The following INPP4B variants were observed in gnomAD, a reference collection of about 807,000 sequenced individuals.
INPP4B encodes inositol polyphosphate 4-phosphatase type II.
A neutral mutation model predicts 122.5 loss-of-function variants in INPP4B; 55 were observed. That is an observed-to-expected ratio of 0.45 (90% confidence interval 0.36 to 0.56). INPP4B has a LOEUF of 0.56. Ranked by LOEUF, INPP4B falls within the 20% of genes least tolerant of loss-of-function variation. The pLI is 0.00. For synonymous variants in INPP4B, 403 were observed against 388.7 expected (o/e 1.04, Z -0.43); for missense variants, 1,000 against 1,097.7 (o/e 0.91, Z 1.26).
At chr4:142,834,135 G>A (rs754414490) in intron 1 of INPP4B, among the ~76,000 whole-genome samples, 1 of 151,968 alleles carries the variant, frequency 6.6e-6, no homozygotes, top group Non-Finnish European at 1.5e-5. Context: ...GTAAAAACTC[G>A]ATATTTTTAT....
intron 2 of INPP4B, among the ~76,000 whole-genome samples, chr4:142,687,619 G>C (rs958806430): frequency 6.6e-6 from 1 of 151,246 alleles, no homozygotes; most frequent in Non-Finnish European, 1.5e-5. Flanking sequence ...GGCTAGCCCA[G>C]GTAATGTGAG....
chr4:142,525,316 A>G (rs1211238055), intron 2 of INPP4B, among the ~76,000 whole-genome samples: 1 of 149,040 alleles, frequency 6.7e-6, no homozygotes, highest in Non-Finnish European at 1.5e-5. Context: ...ATACTGCCCA[A>G]GGTAATTTAC....
intron 7 of INPP4B, among the ~76,000 whole-genome samples, chr4:142,360,852 C>T (rs960317032): frequency 7.2e-5 from 11 of 151,878 alleles, no homozygotes; most frequent in Non-Finnish European, 1.3e-4. Flanking sequence ...CAGAAACCTA[C>T]CAAAGTGACT....
chr4:142,059,485 GT>G (rs1268854513), intron 25 of INPP4B, among the ~76,000 whole-genome samples: 1 of 152,018 alleles, frequency 6.6e-6, no homozygotes, highest in East Asian at 1.9e-4. Flanking sequence ...AGATTCTGAG[GT>G]TTTTCATGAG....
intron 16 of INPP4B, among the ~76,000 whole-genome samples, chr4:142,161,980 T>C (rs1423623419): frequency 6.6e-6 from 1 of 151,866 alleles, no homozygotes; most frequent in Non-Finnish European, 1.5e-5. Flanking sequence ...TAAAACTAGA[T>C]GTTTCTGTCC....
At chr4:142,637,556 T>A (rs1749445993) in intron 2 of INPP4B, among the ~76,000 whole-genome samples, 3 of 152,220 alleles carry the variant, frequency 2.0e-5, no homozygotes, top group Non-Finnish European at 4.4e-5. Context: ...GGCATAGTAT[T>A]CCATTGTCTG....
chr4:142,358,520 C>T (rs148063543), intron 7 of INPP4B, among the ~76,000 whole-genome samples: 16 of 151,792 alleles, frequency 1.1e-4, no homozygotes, highest in African/African-American at 3.6e-4. Context: ...TACTCTAGAA[C>T]AGAGATTATA....
intron 18 of INPP4B, among the ~76,000 whole-genome samples, chr4:142,142,509 C>A (rs1055039311): frequency 6.6e-6 from 1 of 151,924 alleles, no homozygotes; most frequent in Non-Finnish European, 1.5e-5. Flanking sequence ...ATTGGCTGAA[C>A]CTGGAGCTGG....
chr4:142,297,043 A>T lies in INPP4B; in HGVS notation c.503+8415T>A, dbSNP rs965977599. Among the ~76,000 whole-genome samples the T allele has an allele frequency of 4.6e-5, 7 of 152,230 alleles. No individual in the cohort carries two copies. In the East Asian group the frequency reaches 1.2e-3, roughly 25 times the overall value. ...TGGACAGTTTTTGATATATTCAGCA[A>T]TAAAATGAATCAGCAACCTCTAAAA... On this transcript the variant is annotated intron_variant, in intron 9 of 25. Coordinates refer to ENST00000262992, the MANE Select transcript of INPP4B (RefSeq NM_001101669.3).
In INPP4B at chr4:142,807,558, C is replaced by T. The variant is rs145071496; in HGVS notation, c.-254+38651G>A. 2.5e-3 allele frequency among the ~76,000 whole-genome samples: 383 copies of T among 152,216 alleles called. 5 individuals carry two copies. Among genetic ancestry groups the T allele is most frequent in the East Asian group, 0.019 (97 of 5,180 alleles). On this transcript the variant is annotated intron_variant, in intron 1 of 25. Coordinates refer to ENST00000262992, the MANE Select transcript of INPP4B (RefSeq NM_001101669.3). Reference sequence around the variant, plus strand: ...CCAGAATATCTATCAGCAGGGAGAACATATGGCCAGATGCATCTGTTCACC... The same window carrying T: ...CCAGAATATCTATCAGCAGGGAGAATATATGGCCAGATGCATCTGTTCACC...
chr4:142,691,332 T>TG (rs879580153), intron 2 of INPP4B, among the ~76,000 whole-genome samples: 2,067 of 150,518 alleles, frequency 0.014, 106 homozygotes, highest in Admixed American at 0.1. Context: ...GGCAAAGTTT[T>TG]TTTTTTTTTT....
At chr4:142,109,806 T>C (rs899907436) in intron 22 of INPP4B, among the ~76,000 whole-genome samples, 26 of 152,136 alleles carry the variant, frequency 1.7e-4, no homozygotes, top group African/African-American at 5.6e-4. Context: ...CCTCACTGGA[T>C]TACACCTTCT....
At chr4:142,408,023 C>A (rs1309888981) in intron 5 of INPP4B, among the ~76,000 whole-genome samples, 1 of 151,952 alleles carries the variant, frequency 6.6e-6, no homozygotes, top group Non-Finnish European at 1.5e-5. Context: ...AAGCTGTTAC[C>A]AGGTCCAATA....
intron 3 of INPP4B, among the ~76,000 whole-genome samples, chr4:142,443,634 A>T (rs1812296800): frequency 6.6e-6 from 1 of 152,130 alleles, no homozygotes; most frequent in South Asian, 2.1e-4. Context: ...CACCAGGCTG[A>T]GACACCAAGA....
intron 22 of INPP4B, among the ~76,000 whole-genome samples, chr4:142,110,974 G>T (rs1578935252): frequency 6.6e-6 from 1 of 151,996 alleles, no homozygotes; most frequent in Non-Finnish European, 1.5e-5. Flanking sequence ...CCGAAGAAGA[G>T]GCAATTTGGA....
At chr4:142,450,010 T>C (rs1159799685) in intron 3 of INPP4B, among the ~76,000 whole-genome samples, 3 of 152,122 alleles carry the variant, frequency 2.0e-5, no homozygotes, top group African/African-American at 7.2e-5. Context: ...CAGTTCTCTC[T>C]CCCTAGTGCT....
chr4:142,538,871 C>T (rs548667386), intron 2 of INPP4B, among the ~76,000 whole-genome samples: 3 of 151,106 alleles, frequency 2.0e-5, no homozygotes, highest in South Asian at 2.1e-4. Context: ...CTTGCCAATG[C>T]GGTAAAAAAG....
intron 2 of INPP4B, among the ~76,000 whole-genome samples, chr4:142,614,716 A>T (rs895360083): frequency 6.6e-6 from 1 of 152,292 alleles, no homozygotes; most frequent in Non-Finnish European, 1.5e-5. Flanking sequence ...ACCACATTAA[A>T]AAGTAGACAA....
At chr4:142,578,767 T>C (rs1463375559) in intron 2 of INPP4B, among the ~76,000 whole-genome samples, 1 of 151,998 alleles carries the variant, frequency 6.6e-6, no homozygotes, top group Non-Finnish European at 1.5e-5. Context: ...CCTTAACAAA[T>C]GCTGTCCTTT....
Sources: allele counts gnomAD v4.1 joint callset (sites outside exome capture counted in the v4.1 genomes callset), GRCh38; gene constraint gnomAD v4.1.1; transcripts MANE v1.5; gene names NCBI Gene and HGNC (gene_info 2026-07-23, HGNC 2026-07-21).